Variants in FOXJ3 observed in about 807,000 individuals in gnomAD.
The protein encoded by FOXJ3 is forkhead box protein J3.
In FOXJ3, 22 loss-of-function variants were observed where a neutral mutation model predicts 76.1. The observed-to-expected ratio is 0.29, with a 90% CI of 0.21 to 0.41. FOXJ3 has a LOEUF of 0.41. FOXJ3 is among the 10% of genes least tolerant of loss of function. FOXJ3 has a pLI of 1.00. For synonymous variants in FOXJ3, 269 were observed against 261.2 expected (o/e 1.03, Z -0.29); for missense variants, 613 against 762.1 (o/e 0.80, Z 2.30).
intron 4 of FOXJ3, among the ~76,000 whole-genome samples, chr1:42,253,661 A>G (rs1432310229): frequency 2.0e-5 from 3 of 152,400 alleles, no homozygotes; most frequent in East Asian, 1.9e-4. Flanking sequence ...ATAATGCCGC[A>G]TATCTACAAC....
chr1:42,296,348 T>C (rs1020702854), intron 2 of FOXJ3, among the ~76,000 whole-genome samples: 10 of 152,182 alleles, frequency 6.6e-5, no homozygotes, highest in Admixed American at 4.6e-4. Context: ...TTTGTCTATT[T>C]TTGTCTTCCT....
intron 2 of FOXJ3, among the ~76,000 whole-genome samples, chr1:42,286,755 TC>T (rs774114680): frequency 2.3e-4 from 35 of 152,186 alleles, no homozygotes; most frequent in Non-Finnish European, 4.7e-4. Context: ...TGCCTCAGCC[TC>T]CCGAGTAGCT....
intron 2 of FOXJ3, among the ~76,000 whole-genome samples, chr1:42,280,893 G>T (rs1044756384): frequency 6.6e-6 from 1 of 152,158 alleles, no homozygotes; most frequent in Non-Finnish European, 1.5e-5. Context: ...ATTCAATAAA[G>T]ATTGGCTATT....
intron 2 of FOXJ3, among the ~76,000 whole-genome samples, chr1:42,285,510 TGA>T (rs941016243): frequency 1.3e-5 from 2 of 151,294 alleles, no homozygotes; most frequent in Non-Finnish European, 2.9e-5. Context: ...CATGGGAGGG[TGA>T]GAGGTGAAAG....
intron 1 of FOXJ3, among the ~76,000 whole-genome samples, chr1:42,313,649 C>T (rs906612575): frequency 2.6e-5 from 4 of 152,152 alleles, no homozygotes; most frequent in Non-Finnish European, 5.9e-5. Flanking sequence ...CCAGTGTGGA[C>T]TGCCCCTCGT....
chr1:42,215,475 A>T (rs1360249024), intron 5 of FOXJ3, among the ~76,000 whole-genome samples: 2 of 152,210 alleles, frequency 1.3e-5, no homozygotes, highest in Non-Finnish European at 2.9e-5. Flanking sequence ...AAGCTGTGGG[A>T]CAATCTCAAA....
intron 2 of FOXJ3, among the ~76,000 whole-genome samples, chr1:42,296,740 T>C (rs922982911): frequency 2.6e-5 from 4 of 152,264 alleles, no homozygotes; most frequent in African/African-American, 9.6e-5. Context: ...TCAGGCAATC[T>C]GATGCCTCTG....
chr1:42,231,393 C>G lies in FOXJ3; in HGVS notation c.445-3427G>C, dbSNP rs1032692530. On this transcript the variant is annotated intron_variant, in intron 4 of 12. Coordinates refer to ENST00000361346, the MANE Select transcript of FOXJ3 (RefSeq NM_014947.5). ...GACACATAAGCCAGTCACAGAAGGA[C>G]AAATATTGTATGATTCCACTTATAA... Among the ~76,000 whole-genome samples, 4 of 151,880 alleles carry G rather than the reference C, an allele frequency of 2.6e-5. No individual in the cohort carries two copies. The East Asian group carries it at 7.7e-4, about 29-fold the overall frequency.
At chr1:42,275,211 C>G (rs1173090084) in intron 3 of FOXJ3, among the ~76,000 whole-genome samples, 1 of 152,118 alleles carries the variant, frequency 6.6e-6, no homozygotes, top group African/African-American at 2.4e-5. Flanking sequence ...GGTAAATCAG[C>G]AAATGTCTCT....
chr1:42,293,836 G>A (rs757791967), intron 2 of FOXJ3, among the ~76,000 whole-genome samples: 1 of 151,782 alleles, frequency 6.6e-6, no homozygotes, highest in Non-Finnish European at 1.5e-5. Context: ...GACTGGCAAG[G>A]TGTTAATAAA....
Position 42,191,463 on chromosome 1 carries a change from G to A in FOXJ3, c.1191C>T (p.Ser397=), listed in dbSNP as rs1463815269. The A allele has an allele frequency of 1.2e-6, 2 of 1,613,456 alleles. No homozygotes were observed. The highest frequency in any genetic ancestry group is 1.7e-6 in the Non-Finnish European group (2 of 1,179,660). The change falls in exon 9 of 13, where the codon TCC becomes TCT. Residue 397 remains serine (S), a synonymous_variant. Transcript: ENST00000361346. ...GCTGTGGGTGTGGTGCTGGGTGTGG[G>A]GAACGCTGCGGATGCTGCGGTAAAC... The part of the protein sequence containing the change: ...PHGLPQHPQR[S]PHPAPHPQQH...
chr1:42,222,691 T>C (rs533388094), intron 5 of FOXJ3, among the ~76,000 whole-genome samples: 2 of 152,348 alleles, frequency 1.3e-5, no homozygotes, highest in Admixed American at 6.5e-5. Flanking sequence ...CCAATACCTT[T>C]AATAAAGACC....
At chr1:42,234,151 A>C (rs1030007180) in intron 4 of FOXJ3, among the ~76,000 whole-genome samples, 1 of 151,948 alleles carries the variant, frequency 6.6e-6, no homozygotes, top group South Asian at 2.1e-4. Flanking sequence ...CATTCATTTG[A>C]TCTTCCATCA....
At chr1:42,194,551 A>T (rs945486999) in intron 8 of FOXJ3, among the ~76,000 whole-genome samples, 10 of 152,220 alleles carry the variant, frequency 6.6e-5, no homozygotes, top group African/African-American at 2.4e-4. Context: ...TTGTGGTGCA[A>T]CATTCACCAC....
intron 3 of FOXJ3, among the ~76,000 whole-genome samples, chr1:42,267,506 G>A (rs1287291137): frequency 6.6e-6 from 1 of 152,036 alleles, no homozygotes; most frequent in African/African-American, 2.4e-5. Context: ...CCATTCACAA[G>A]TACAAGTACT....
chr1:42,270,622 G>A (rs1651798915), intron 3 of FOXJ3, among the ~76,000 whole-genome samples: 1 of 152,138 alleles, frequency 6.6e-6, no homozygotes, highest in East Asian at 1.9e-4. Context: ...TGGAGAGGCA[G>A]AAATAATTAG....
At chr1:42,334,816 T>TGA (rs1656377027) in intron 1 of FOXJ3, 1 of 152,062 alleles carries the variant, frequency 6.6e-6, no homozygotes, top group Non-Finnish European at 1.5e-5. Flanking sequence ...GCTTCCCAGC[T>TGA]GAGGGGCAGC....
At chr1:42,267,539 C>T (rs990156679) in intron 3 of FOXJ3, among the ~76,000 whole-genome samples, 1 of 152,028 alleles carries the variant, frequency 6.6e-6, no homozygotes, top group African/African-American at 2.4e-5. Flanking sequence ...GTCTACCATT[C>T]TTCTACACAG....
intron 4 of FOXJ3, among the ~76,000 whole-genome samples, chr1:42,255,210 G>T (rs1315856843): frequency 1.3e-5 from 2 of 152,136 alleles, no homozygotes; most frequent in Non-Finnish European, 2.9e-5. Flanking sequence ...TTATACTGTT[G>T]TAACGTTAAT....
Sources: allele counts gnomAD v4.1 joint callset (sites outside exome capture counted in the v4.1 genomes callset), GRCh38; gene constraint gnomAD v4.1.1; transcripts MANE v1.5; gene names NCBI Gene and HGNC (gene_info 2026-07-23, HGNC 2026-07-21).